The following SLC44A5 variants were observed in gnomAD, a reference collection of about 807,000 sequenced individuals.
SLC44A5 encodes choline transporter-like protein 5.
SLC44A5 carries 57 observed loss-of-function variants against 101.8 expected under a neutral mutation model. The ratio of observed to expected loss-of-function variants is 0.56; its 90% CI spans 0.45 to 0.70. The LOEUF is 0.70. Among genes scored for constraint, SLC44A5 ranks in the 30% least tolerant of loss-of-function variants. The pLI, the probability that SLC44A5 is intolerant of heterozygous loss-of-function variation, is 0.00. For synonymous variants in SLC44A5, 281 were observed against 290.9 expected, an observed-to-expected ratio of 0.97 and a Z score of 0.35; for missense variants, 737 against 853.1, an observed-to-expected ratio of 0.86 and a Z score of 1.70.
chr1:75,252,589 A>T (rs762824055), intron 6 of SLC44A5, among the ~76,000 whole-genome samples: 1 of 152,200 alleles, frequency 6.6e-6, no homozygotes, highest in Non-Finnish European at 1.5e-5. Context: ...TCCAAGTTAT[A>T]GAGGGTTCTA....
At chr1:75,411,265 A>G (rs933361485) in intron 2 of SLC44A5, among the ~76,000 whole-genome samples, 2 of 152,108 alleles carry the variant, frequency 1.3e-5, no homozygotes, top group Admixed American at 6.6e-5. Flanking sequence ...CTCAAGTCCA[A>G]TGAGGCAGGA....
intron 1 of SLC44A5, among the ~76,000 whole-genome samples, chr1:75,550,373 G>C (rs1235690550): frequency 6.6e-6 from 1 of 152,010 alleles, no homozygotes; most frequent in Non-Finnish European, 1.5e-5. Context: ...TAGATTAGTG[G>C]CTTCCAGGGG....
the SLC44A5 span, among the ~76,000 whole-genome samples, chr1:75,622,816 C>T: frequency 1.3e-5 from 2 of 152,094 alleles, no homozygotes; most frequent in Non-Finnish European, 2.9e-5. Flanking sequence ...AATTTACCTC[C>T]AAAGTGTTCT....
At chr1:75,539,686 CAT>C (rs1258145848) in intron 2 of SLC44A5, among the ~76,000 whole-genome samples, 9 of 152,272 alleles carry the variant, frequency 5.9e-5, no homozygotes, top group African/African-American at 2.2e-4. Context: ...GAATCTGACT[CAT>C]AAATGCTACG....
intron 5 of SLC44A5, among the ~76,000 whole-genome samples, chr1:75,294,915 A>C (rs1653846393): frequency 6.6e-6 from 1 of 152,148 alleles, no homozygotes; most frequent in Non-Finnish European, 1.5e-5. Flanking sequence ...AAAAAGTAAG[A>C]ACTTTCAGTT....
chr1:75,224,746 T>G (rs1245867833), intron 13 of SLC44A5, among the ~76,000 whole-genome samples: 1 of 150,178 alleles, frequency 6.7e-6, no homozygotes, highest in Non-Finnish European at 1.5e-5. Context: ...TGTGCCTCCA[T>G]TTTTAACAAA....
chr1:75,461,307 C>G (rs1666483454), intron 2 of SLC44A5, among the ~76,000 whole-genome samples: 1 of 152,186 alleles, frequency 6.6e-6, no homozygotes, highest in Non-Finnish European at 1.5e-5. Flanking sequence ...TCATCTCTGA[C>G]AATTTTCACA....
At chr1:75,281,405 T>C (rs1214944528) in intron 5 of SLC44A5, among the ~76,000 whole-genome samples, 1 of 151,814 alleles carries the variant, frequency 6.6e-6, no homozygotes, top group Non-Finnish European at 1.5e-5. Flanking sequence ...ATGTGGAGCA[T>C]AAAAGTTTGG....
At chr1:75,511,036 G>A (rs573867379) in intron 2 of SLC44A5, among the ~76,000 whole-genome samples, 4 of 152,060 alleles carry the variant, frequency 2.6e-5, no homozygotes, top group South Asian at 2.1e-4. Flanking sequence ...CCAGCTACTC[G>A]GGAGGCTGAG....
chr1:75,638,208 A>C, the SLC44A5 span, among the ~76,000 whole-genome samples: 2 of 152,072 alleles, frequency 1.3e-5, no homozygotes, highest in Non-Finnish European at 2.9e-5. Flanking sequence ...ATTAGAAGCT[A>C]ATAGTACGAT....
chr1:75,207,217 A>G (rs1646765312), intron 23 of SLC44A5, among the ~76,000 whole-genome samples: 1 of 152,162 alleles, frequency 6.6e-6, no homozygotes, highest in African/African-American at 2.4e-5. Context: ...TGAAGTCAAA[A>G]GCTCTGAGGT....
chr1:75,387,944 A>C (rs1661493042), intron 3 of SLC44A5, among the ~76,000 whole-genome samples: 1 of 149,218 alleles, frequency 6.7e-6, no homozygotes, highest in Non-Finnish European at 1.5e-5. Flanking sequence ...CATCATTCTC[A>C]GTAAACTATC....
At chr1:75,718,137 T>G in the SLC44A5 span, among the ~76,000 whole-genome samples, 1 of 152,246 alleles carries the variant, frequency 6.6e-6, no homozygotes, top group Non-Finnish European at 1.5e-5. Flanking sequence ...CTTAAATGTT[T>G]CATGAAAACG....
chr1:75,392,508 T>A (rs760080879), intron 3 of SLC44A5, among the ~76,000 whole-genome samples: 2 of 152,112 alleles, frequency 1.3e-5, no homozygotes, highest in African/African-American at 2.4e-5. Flanking sequence ...AAATAACAGA[T>A]GTTGGTGAGT....
chr1:75,669,102 C>G, the SLC44A5 span, among the ~76,000 whole-genome samples: 1 of 151,620 alleles, frequency 6.6e-6, no homozygotes, highest in Non-Finnish European at 1.5e-5. Flanking sequence ...ACTTCCTATT[C>G]ATTTGTCCAT....
intron 2 of SLC44A5, among the ~76,000 whole-genome samples, chr1:75,480,596 T>C (rs979899248): frequency 2.0e-5 from 3 of 152,038 alleles, no homozygotes; most frequent in Non-Finnish European, 4.4e-5. Context: ...ACAAGCATTC[T>C]TATACACCAA....
At chr1:75,721,007 T>C in the SLC44A5 span, among the ~76,000 whole-genome samples, 2 of 152,136 alleles carry the variant, frequency 1.3e-5, no homozygotes, top group African/African-American at 4.8e-5. Flanking sequence ...CCAAAGTTCT[T>C]ATTGTGCAAA....
At chr1:75,423,023 A>G (rs1664103856) in intron 2 of SLC44A5, among the ~76,000 whole-genome samples, 1 of 152,126 alleles carries the variant, frequency 6.6e-6, no homozygotes, top group African/African-American at 2.4e-5. Context: ...CAAAATTCCC[A>G]AGGCTTAAGC....
At position 75,210,914 on chromosome 1, in the gene SLC44A5, G is replaced by A. The variant is rs763246700; in HGVS notation, c.2047+554C>T. Among the ~76,000 whole-genome samples the A allele has an allele frequency of 6.0e-4, 91 of 152,220 alleles. 1 individual carries two copies. Among genetic ancestry groups the A allele is most frequent in the Non-Finnish European group, 9.3e-4 (63 of 68,010 alleles). ...GAGATATAATTAATAAATAACAACT[G>A]TAAATATTTAAGGTGTGTAATGTTT... On this transcript the variant is annotated intron_variant, in intron 23 of 23. Transcript: ENST00000370859.
Sources: gnomAD v4.1 joint callset for allele counts (sites outside exome capture counted in the v4.1 genomes callset) on GRCh38, gnomAD v4.1.1 for gene constraint, MANE v1.5 for transcripts, NCBI Gene and HGNC (gene_info 2026-07-23, HGNC 2026-07-21) for gene names.